MTFR1: variants seen among roughly 807,000 people sequenced by gnomAD.
The protein encoded by MTFR1 is chondrocyte protein with a poly-proline region.
A neutral mutation model predicts 38.8 loss-of-function variants in MTFR1; 28 were observed. The ratio of observed to expected loss-of-function variants is 0.72; its 90% CI spans 0.53 to 0.99. The LOEUF (loss-of-function observed/expected upper bound fraction) is 0.99. Among genes scored for constraint, MTFR1 ranks in the 50% least tolerant of loss-of-function variants. The pLI is 0.00. For synonymous variants in MTFR1, 145 were observed against 137.0 expected (o/e 1.06, Z -0.41); for missense variants, 358 against 395.5 (o/e 0.91, Z 0.81).
chr8:65,757,697 CAA>C (rs748822504), intron 3 of MTFR1, among the ~76,000 whole-genome samples: 4 of 152,220 alleles, frequency 2.6e-5, no homozygotes, highest in Non-Finnish European at 5.9e-5. Context: ...GGGCTCACTG[CAA>C]CCTCTGCTTC....
chr8:65,763,215 G>A (rs908743256), intron 3 of MTFR1, among the ~76,000 whole-genome samples: 11 of 152,064 alleles, frequency 7.2e-5, no homozygotes, highest in South Asian at 4.1e-4. Flanking sequence ...AGATTATGCA[G>A]AATTCAATGT....
At chr8:65,695,995 A>G (rs1805429573) in intron 4 of MTFR1, among the ~76,000 whole-genome samples, 1 of 152,180 alleles carries the variant, frequency 6.6e-6, no homozygotes, top group Non-Finnish European at 1.5e-5. Context: ...CGGCAGGAGA[A>G]GACCTGGTAG....
At chr8:65,665,714 C>G (rs778230122) in intron 1 of MTFR1, among the ~76,000 whole-genome samples, 1 of 152,180 alleles carries the variant, frequency 6.6e-6, no homozygotes, top group African/African-American at 2.4e-5. Flanking sequence ...ACTCTTAACT[C>G]CTGAGCTCAA....
rs540259058 is a variant in MTFR1 at position 65,695,867 on chromosome 8, A to G, written c.281+2108A>G. Among the ~76,000 whole-genome samples, 3 of 152,312 alleles carry G rather than the reference A, an allele frequency of 2.0e-5. No homozygotes were observed. In the East Asian group the frequency reaches 5.8e-4, roughly 29 times the overall value. On this transcript the variant is annotated intron_variant, in intron 4 of 7. Transcript: ENST00000262146. ...ATATGAGAGTGCCCAAGAAGCATGT[A>G]TAGAACGTGAAGAGCATTTGTACCC...
chr8:65,727,635 A>C (rs917677216), intron 3 of MTFR1: 1 of 192,300 alleles, frequency 5.2e-6, no homozygotes, highest in African/African-American at 2.3e-5. Context: ...AAAATGACAA[A>C]CATAGTTTGG....
intron 2 of MTFR1, among the ~76,000 whole-genome samples, chr8:65,680,187 A>T (rs1804836112): frequency 6.6e-6 from 1 of 151,832 alleles, no homozygotes; most frequent in African/African-American, 2.4e-5. Flanking sequence ...GCGGGGGGAC[A>T]TGGTCTCACT....
chr8:65,704,588 T>C, intron 4 of MTFR1, 106 bp from the exon 5 acceptor site: 1 of 857,364 alleles, frequency 1.2e-6, no homozygotes, highest in African/African-American at 1.7e-5. Flanking sequence ...AAGATCAGCC[T>C]GAAAAGAGGT....
At chr8:65,680,964 C>T (rs1379972961) in intron 2 of MTFR1, among the ~76,000 whole-genome samples, 25 of 136,742 alleles carry the variant, frequency 1.8e-4, no homozygotes, top group Admixed American at 1.6e-4. Flanking sequence ...GGACTGCGGA[C>T]TGCAGTGGCG....
At chr8:65,768,801 TATG>T (rs1456608251) in intron 3 of MTFR1, among the ~76,000 whole-genome samples, 3 of 152,198 alleles carry the variant, frequency 2.0e-5, no homozygotes, top group Non-Finnish European at 4.4e-5. Context: ...TGTAAATATG[TATG>T]ATAAATATTA....
At chr8:65,662,863 G>A (rs939876148) in intron 1 of MTFR1, among the ~76,000 whole-genome samples, 3 of 151,380 alleles carry the variant, frequency 2.0e-5, no homozygotes, top group African/African-American at 7.3e-5. Flanking sequence ...GAGGTGGGGG[G>A]GTTAGGCCCC....
intron 3 of MTFR1, among the ~76,000 whole-genome samples, chr8:65,741,122 C>G (rs1807412110): frequency 1.3e-5 from 2 of 152,184 alleles, no homozygotes; most frequent in South Asian, 4.1e-4. Context: ...TATTATACTT[C>G]TCAGTTTTGT....
At chr8:65,743,418 G>C (rs1284708328) in intron 3 of MTFR1, among the ~76,000 whole-genome samples, 1 of 152,188 alleles carries the variant, frequency 6.6e-6, no homozygotes, top group African/African-American at 2.4e-5. Flanking sequence ...CAAAGGAAAA[G>C]TAGAAGAGAG....
At chr8:65,657,044 A>G (rs1258120908) in intron 1 of MTFR1, among the ~76,000 whole-genome samples, 1 of 136,612 alleles carries the variant, frequency 7.3e-6, no homozygotes, top group African/African-American at 2.8e-5. Flanking sequence ...ACGGAGTCTC[A>G]CTCTTATTGC....
At chr8:65,757,934 T>C (rs1808314531) in intron 3 of MTFR1, among the ~76,000 whole-genome samples, 1 of 152,218 alleles carries the variant, frequency 6.6e-6, no homozygotes, top group Non-Finnish European at 1.5e-5. Context: ...AGACTTTTAA[T>C]GTAATATTTG....
At chr8:65,740,458 T>C (rs1453563227) in intron 3 of MTFR1, among the ~76,000 whole-genome samples, 2 of 152,110 alleles carry the variant, frequency 1.3e-5, no homozygotes, top group East Asian at 3.9e-4. Flanking sequence ...TGGAGTACAA[T>C]GGTGCGATCT....
At chr8:65,703,488 C>A (rs575312710) in intron 4 of MTFR1, among the ~76,000 whole-genome samples, 1 of 114,424 alleles carries the variant, frequency 8.7e-6, no homozygotes, top group East Asian at 3.0e-4. Flanking sequence ...AGCTGGAGTG[C>A]AGTGGCGTGA....
At chr8:65,774,135 G>A (rs1169018108), downstream of MTFR1, among the ~76,000 whole-genome samples, 3 of 152,066 alleles carry the variant, frequency 2.0e-5, no homozygotes, top group Non-Finnish European at 2.9e-5. Context: ...TTCTATCCTG[G>A]AAGCAACCAA....
intron 1 of MTFR1, among the ~76,000 whole-genome samples, chr8:65,654,908 G>T (rs1809214828): frequency 6.6e-6 from 1 of 152,066 alleles, no homozygotes; most frequent in Admixed American, 6.6e-5. Context: ...ATATGCAGGG[G>T]ACAGTAACTA....
chr8:65,645,142 C>G (rs571182816), intron 1 of MTFR1, among the ~76,000 whole-genome samples: 24 of 152,336 alleles, frequency 1.6e-4, no homozygotes, highest in Non-Finnish European at 2.9e-4. Context: ...CGCCGGCCGC[C>G]AGGCGGCGGT....
Sources: allele counts gnomAD v4.1 joint callset (sites outside exome capture counted in the v4.1 genomes callset), GRCh38; gene constraint gnomAD v4.1.1; transcripts MANE v1.5; gene names NCBI Gene and HGNC (gene_info 2026-07-23, HGNC 2026-07-21).